UIMC1: variants seen among roughly 807,000 people sequenced by gnomAD.
The protein encoded by UIMC1 is BRCA1-A complex subunit RAP80.
In UIMC1, 42 loss-of-function variants were observed where a neutral mutation model predicts 84.9. That is an observed-to-expected ratio of 0.49 (90% CI 0.39 to 0.64). The LOEUF (loss-of-function observed/expected upper bound fraction) is 0.64, where lower values mean the gene tolerates loss of function less well. Among genes scored for constraint, UIMC1 ranks in the 30% least tolerant of loss-of-function variants. The probability of loss-of-function intolerance (pLI) is 0.00; values close to 1 mark genes in which losing one functional copy is unlikely to be tolerated. For missense variants in UIMC1, 825 were observed against 847.6 expected, an observed-to-expected ratio of 0.97 and a Z score of 0.33; for synonymous variants, 281 against 293.0, an observed-to-expected ratio of 0.96 and a Z score of 0.42.
chr5:176,999,931 TG>T (rs1774201729), intron 1 of UIMC1, among the ~76,000 whole-genome samples: 1 of 152,218 alleles, frequency 6.6e-6, no homozygotes, highest in East Asian at 1.9e-4. Context: ...GTGGGACTGC[TG>T]GATCATACGA....
In UIMC1 at chr5:176,985,573, C is replaced by T. The variant is rs559142540; in HGVS notation, c.-8-2950G>A. Among the ~76,000 whole-genome samples the T allele has an allele frequency of 3.2e-4, 48 of 151,866 alleles. 1 individual carries two copies. Among genetic ancestry groups the T allele is most frequent in the African/African-American group, 1.1e-3 (47 of 41,422 alleles). On this transcript the variant is annotated intron_variant, in intron 1 of 14. Coordinates refer to ENST00000511320, the MANE Select transcript of UIMC1 (RefSeq NM_001199298.2). ...CTTTAAACATCAATTTAGATAATTG[C>T]TTTTCTTGACTACATATTATAATTT... is the stretch of plus-strand genomic sequence containing the variant.
chr5:176,981,216 C>T (rs777878680), intron 2 of UIMC1, among the ~76,000 whole-genome samples: 9 of 148,160 alleles, frequency 6.1e-5, no homozygotes, highest in Non-Finnish European at 1.3e-4. Context: ...GCAATCTCGG[C>T]TCACTGCAAG....
At chr5:177,007,657 T>C (rs1481298736), upstream of UIMC1, among the ~76,000 whole-genome samples, 1 of 152,210 alleles carries the variant, frequency 6.6e-6, no homozygotes, top group Non-Finnish European at 1.5e-5. Flanking sequence ...ATTAGAACAG[T>C]ATATACTGTT....
chr5:176,948,200 T>C (rs1273740610), intron 9 of UIMC1, among the ~76,000 whole-genome samples: 1 of 152,246 alleles, frequency 6.6e-6, no homozygotes, highest in Non-Finnish European at 1.5e-5. Flanking sequence ...AGGCAAGATA[T>C]TCAGAAACAC....
Position 176,918,756 on chromosome 5 carries a change from T to C in UIMC1, c.1598-7367A>G, listed in dbSNP as rs750132574. On this transcript the variant is annotated intron_variant, in intron 10 of 14. Transcript: ENST00000511320. ...GCATTCCTTCTTGCCTTAGTTTACA[T>C]AGTTATCATATTAACACTCCCCTTG... Among the ~76,000 whole-genome samples the C allele has an allele frequency of 1.2e-4, 19 of 152,344 alleles. No individual in the cohort carries two copies. In the East Asian group the frequency reaches 2.9e-3, roughly 23 times the overall value.
intron 4 of UIMC1, 30 bp from the exon 5 acceptor site, chr5:176,969,736 G>T (rs946069729): frequency 6.3e-7 from 1 of 1,595,300 alleles, no homozygotes; most frequent in Non-Finnish European, 8.6e-7. Flanking sequence ...ACCAGACCAG[G>T]TTTATTATTA....
At position 176,923,872 on chromosome 5, in the gene UIMC1, A is replaced by T. The variant is rs561173541; in HGVS notation, c.1598-12483T>A. ...GAGCAAGACTCTGTCTCAAAAAAAA[A>T]AAATATATATATATATACACACACA... On this transcript the variant is annotated intron_variant, in intron 10 of 14. Coordinates refer to ENST00000511320, the MANE Select transcript of UIMC1 (RefSeq NM_001199298.2). Among the ~76,000 whole-genome samples the T allele has an allele frequency of 4.2e-3, 494 of 118,010 alleles. 2 individuals are homozygous for T. The highest frequency in any genetic ancestry group is 5.3e-3 in the African/African-American group (168 of 31,886). The allele number at this position is 118,010 out of a possible 152,430, so 77.4% of individuals were successfully genotyped here. A position where few individuals can be genotyped will look rare whatever the true frequency, so the allele number is the denominator to read the frequency against.
intron 9 of UIMC1, among the ~76,000 whole-genome samples, chr5:176,949,683 G>A (rs1765594977): frequency 6.6e-6 from 1 of 152,194 alleles, no homozygotes; most frequent in African/African-American, 2.4e-5. Context: ...CAGTGTGCAT[G>A]ATTCATGAAG....
At chr5:177,016,628 T>C (rs1775676616) in intron 1 of UIMC1, among the ~76,000 whole-genome samples, 1 of 150,920 alleles carries the variant, frequency 6.6e-6, no homozygotes, top group South Asian at 2.1e-4. Flanking sequence ...GAGGCAGAGG[T>C]TGCAGTCAGC....
rs539413771 is a variant in UIMC1, at chr5:176,937,235, G to A, written c.1597+6100C>T. 4.5e-3 allele frequency among the ~76,000 whole-genome samples: 684 copies of A among 152,256 alleles called. 3 individuals are homozygous for A. Among genetic ancestry groups the A allele is most frequent in the South Asian group, 0.022 (105 of 4,822 alleles). On this transcript the variant is annotated intron_variant, in intron 10 of 14. Coordinates refer to ENST00000511320, the MANE Select transcript of UIMC1 (RefSeq NM_001199298.2). ...CCCTCGGCCAGGTGCGGTGGCTCACGCCTGTAATCTCAGCACTTAGGGAGG... is the reference window on the plus strand; with the variant it reads ...CCCTCGGCCAGGTGCGGTGGCTCACACCTGTAATCTCAGCACTTAGGGAGG...
intron 3 of UIMC1, among the ~76,000 whole-genome samples, chr5:176,972,122 C>G (rs1769328388): frequency 6.6e-6 from 1 of 152,086 alleles, no homozygotes; most frequent in Non-Finnish European, 1.5e-5. Flanking sequence ...TATTACAGGC[C>G]AGGCGCGGTG....
intron 3 of UIMC1, among the ~76,000 whole-genome samples, chr5:176,971,833 C>T (rs1261495558): frequency 6.6e-6 from 1 of 150,760 alleles, no homozygotes; most frequent in Non-Finnish European, 1.5e-5. Context: ...CACTTGAACC[C>T]GGGAGGCGGA....
chr5:176,997,032 GCACACA>G (rs752159814), intron 1 of UIMC1, among the ~76,000 whole-genome samples: 6 of 151,462 alleles, frequency 4.0e-5, no homozygotes, highest in South Asian at 4.2e-4. Context: ...GCACGCGTGC[GCACACA>G]CACACACACA....
intron 6 of UIMC1, among the ~76,000 whole-genome samples, chr5:176,962,534 G>GC (rs1277078539): frequency 7.5e-5 from 8 of 105,970 alleles, no homozygotes; most frequent in Non-Finnish European, 1.4e-4. Context: ...GGGGGGGTCA[G>GC]CCCCCCGCCC....
intron 10 of UIMC1, among the ~76,000 whole-genome samples, chr5:176,914,127 T>C (rs1760674509): frequency 6.6e-6 from 1 of 151,314 alleles, no homozygotes. Context: ...AGTCTCTTAA[T>C]TCTGTACTTT....
At chr5:176,996,808 T>C (rs1272757643) in intron 1 of UIMC1, among the ~76,000 whole-genome samples, 47 of 152,142 alleles carry the variant, frequency 3.1e-4, no homozygotes, top group Non-Finnish European at 1.5e-5. Context: ...CCAATCTTAG[T>C]GGCCAATTGC....
At chr5:176,994,817 C>T (rs1396482956) in intron 1 of UIMC1, among the ~76,000 whole-genome samples, 5 of 152,130 alleles carry the variant, frequency 3.3e-5, no homozygotes, top group African/African-American at 1.2e-4. Flanking sequence ...CGACAGGTCT[C>T]GCAACGCAGG....
intron 1 of UIMC1, among the ~76,000 whole-genome samples, chr5:176,995,615 G>A (rs187321145): frequency 5.3e-5 from 8 of 150,620 alleles, no homozygotes; most frequent in African/African-American, 1.2e-4. Flanking sequence ...AGTCCAAGGC[G>A]GGTGGATCAC....
intron 2 of UIMC1, among the ~76,000 whole-genome samples, chr5:176,976,137 C>CA (rs1273111414): frequency 6.6e-6 from 1 of 151,780 alleles, no homozygotes; most frequent in African/African-American, 2.4e-5. Flanking sequence ...CCTTAACCCC[C>CA]AAAAAAATTT....
Sources: gnomAD v4.1 joint callset for allele counts (sites outside exome capture counted in the v4.1 genomes callset) on GRCh38, gnomAD v4.1.1 for gene constraint, MANE v1.5 for transcripts, NCBI Gene and HGNC (gene_info 2026-07-23, HGNC 2026-07-21) for gene names.